Variants in CEACAM18 observed in about 807,000 individuals in gnomAD.
The protein encoded by CEACAM18 is CEA cell adhesion molecule 18.
In CEACAM18, 33 loss-of-function variants were observed where a neutral mutation model predicts 34.3. The ratio of observed to expected loss-of-function variants is 0.96; its 90% CI spans 0.73 to 1.29. CEACAM18 has a LOEUF of 1.29. CEACAM18 is among the 50% of genes most tolerant of loss of function. CEACAM18 has a pLI of 0.00. For synonymous variants in CEACAM18, 169 were observed against 180.9 expected, an observed-to-expected ratio of 0.93 and a Z score of 0.53; for missense variants, 474 against 485.0, an observed-to-expected ratio of 0.98 and a Z score of 0.21.
Position 51,483,303 on chromosome 19 carries a change from C to T in CEACAM18, c.953+7C>T, listed in dbSNP as rs1989949890. 2.5e-6 allele frequency: 4 copies of T among 1,613,538 alleles called. No homozygotes were observed. The South Asian group carries it at 3.3e-5, about 13-fold the overall frequency. ...GGATCCAGGCCCCCCATGAGTGCAG[C>T]AGCTCCCCTCCAGGCTCATGCTTTG... On this transcript the variant is annotated splice_region_variant and intron_variant, in intron 4 of 5. Coordinates refer to ENST00000396477, the Ensembl canonical transcript of CEACAM18.
exon 4 of CEACAM18, chr19:51,483,127 G>A: frequency 6.2e-7 from 1 of 1,613,960 alleles, no homozygotes; most frequent in Non-Finnish European, 8.5e-7. Flanking sequence ...TTCCTTCCTG[G>A]ATCTCAAGTA....
intron 5 of CEACAM18, among the ~76,000 whole-genome samples, chr19:51,489,007 G>A (rs1199933037): frequency 6.6e-6 from 1 of 151,264 alleles, no homozygotes. Context: ...AAGTATAATG[G>A]GCCTTAGTGC....
At chr19:51,483,293 A>G (rs10426247) in exon 4 of CEACAM18, 357,427 of 1,613,376 alleles carry the variant, frequency 0.22, 40,822 homozygotes, top group Middle Eastern at 0.3. Flanking sequence ...CAGGCCCCCC[A>G]TGAGTGCAGC....
chr19:51,478,972 G>GCA (rs1489814148), intron 1 of CEACAM18, among the ~76,000 whole-genome samples: 2 of 150,046 alleles, frequency 1.3e-5, no homozygotes, highest in African/African-American at 2.5e-5. Flanking sequence ...ACACACGCGC[G>GCA]CACACACAGA....
chr19:51,484,565 A>ACC (rs1568524647), intron 4 of CEACAM18, among the ~76,000 whole-genome samples: 2 of 152,122 alleles, frequency 1.3e-5, no homozygotes, highest in Non-Finnish European at 2.9e-5. Context: ...CAGGTGATCC[A>ACC]CCTTGGGCGA....
intron 5 of CEACAM18, among the ~76,000 whole-genome samples, chr19:51,486,091 G>C (rs1182958919): frequency 6.6e-6 from 1 of 152,040 alleles, no homozygotes; most frequent in African/African-American, 2.4e-5. Flanking sequence ...AGTGGAAATG[G>C]CATTATTGTG....
intron 5 of CEACAM18, among the ~76,000 whole-genome samples, chr19:51,489,545 T>C (rs1238546270): frequency 6.6e-6 from 1 of 152,120 alleles, no homozygotes; most frequent in African/African-American, 2.4e-5. Context: ...CTATGTTATC[T>C]AAAGATTTTA....
chr19:51,485,653 C>G (rs940181339), intron 5 of CEACAM18, among the ~76,000 whole-genome samples: 5 of 152,186 alleles, frequency 3.3e-5, no homozygotes, highest in Admixed American at 2.6e-4. Context: ...CAACAACTGC[C>G]TGAAGGGTGA....
At chr19:51,491,010 A>G (rs1990084285), downstream of CEACAM18, 1 of 177,782 alleles carries the variant, frequency 5.6e-6, no homozygotes, top group African/African-American at 2.4e-5. Flanking sequence ...CTGTAAACTT[A>G]TGGCCAAGGG....
exon 3 of CEACAM18, chr19:51,481,493 G>A (rs371003616): frequency 3.5e-5 from 56 of 1,613,848 alleles, no homozygotes; most frequent in South Asian, 4.4e-5. Flanking sequence ...CCAACATCAC[G>A]TGGTATGTGA....
exon 3 of CEACAM18, chr19:51,481,637 A>G: frequency 6.2e-7 from 1 of 1,613,510 alleles, no homozygotes; most frequent in Non-Finnish European, 8.5e-7. Context: ...TCTTTCAGAG[A>G]AGTGAACGCA....
chr19:51,482,846 T>C (rs1989939712), intron 3 of CEACAM18, among the ~76,000 whole-genome samples, 171 bp from the exon 4 acceptor site: 1 of 152,208 alleles, frequency 6.6e-6, no homozygotes, highest in Non-Finnish European at 1.5e-5. Flanking sequence ...TCCTTAATCA[T>C]AGAAGATGCT....
chr19:51,483,377 G>A, intron 4 of CEACAM18, 81 bp downstream of exon 4: 3 of 1,520,748 alleles, frequency 2.0e-6, no homozygotes, highest in Non-Finnish European at 2.7e-6. Flanking sequence ...ACCCTCAGGA[G>A]TGCCACCTCC....
At chr19:51,488,939 T>C (rs1358100115) in intron 5 of CEACAM18, among the ~76,000 whole-genome samples, 1 of 152,038 alleles carries the variant, frequency 6.6e-6, no homozygotes, top group Non-Finnish European at 1.5e-5. Context: ...GGGTGGGTTG[T>C]ATTCAGTTTT....
chr19:51,486,615 G>A (rs1222591719), intron 5 of CEACAM18, among the ~76,000 whole-genome samples: 2 of 152,134 alleles, frequency 1.3e-5, no homozygotes, highest in Non-Finnish European at 2.9e-5. Flanking sequence ...CCTAGTGACA[G>A]CTCAGTCCTC....
Position 51,483,284 on chromosome 19 carries a change from A to G in CEACAM18, c.941A>G (p.Gln314Arg), listed in dbSNP as rs190661501. ...ATCATGTACATGGACGTCAGGATCC[A>G]GGCCCCCCATGAGTGCAGCAGCTCC... The change falls in exon 4 of 6, where the codon CAG (glutamine) becomes CGG (arginine). Residue 314 changes from glutamine to arginine, a missense_variant. Coordinates refer to ENST00000396477, the Ensembl canonical transcript of CEACAM18. 4.2e-4 allele frequency: 675 copies of G among 1,613,932 alleles called. 2 individuals are homozygous for G. Among genetic ancestry groups the G allele is most frequent in the Non-Finnish European group, 5.3e-4 (625 of 1,179,880 alleles).
chr19:51,483,465 T>C, intron 4 of CEACAM18, 169 bp downstream of exon 4: 1 of 763,886 alleles, frequency 1.3e-6, no homozygotes, highest in Admixed American at 2.4e-5. Context: ...CTGCCTCCTC[T>C]GTGAATCCTC....
At chr19:51,491,011 T>C (rs1990084335), downstream of CEACAM18, 1 of 176,972 alleles carries the variant, frequency 5.7e-6, no homozygotes, top group African/African-American at 2.4e-5. Flanking sequence ...TGTAAACTTA[T>C]GGCCAAGGGG....
chr19:51,480,828 G>A, intron 2 of CEACAM18, 148 bp downstream of exon 2: 3 of 733,388 alleles, frequency 4.1e-6, no homozygotes, highest in Non-Finnish European at 6.7e-6. Context: ...GCTCCTGGGG[G>A]ATCTGAGGGC....
Sources: gnomAD v4.1 joint callset for allele counts (sites outside exome capture counted in the v4.1 genomes callset) on GRCh38, gnomAD v4.1.1 for gene constraint, MANE v1.5 for transcripts, NCBI Gene and HGNC (gene_info 2026-07-23, HGNC 2026-07-21) for gene names.